Variants in ZNF827 observed in about 807,000 individuals in gnomAD.
ZNF827 encodes zinc finger protein 827.
A neutral mutation model predicts 102.4 loss-of-function variants in ZNF827; 13 were observed. That is an observed-to-expected ratio of 0.13 (90% CI 0.08 to 0.20). The LOEUF is 0.20. ZNF827 is among the 10% of genes least tolerant of loss of function. ZNF827 has a pLI of 1.00. For missense variants in ZNF827, 1,103 were observed against 1,344.4 expected, an observed-to-expected ratio of 0.82 and a Z score of 2.81; for synonymous variants, 523 against 536.2, an observed-to-expected ratio of 0.98 and a Z score of 0.34.
At chr4:145,870,523 C>G in intron 4 of ZNF827, 45 bp from the exon 5 acceptor site, 1 of 1,544,816 alleles carries the variant, frequency 6.5e-7, no homozygotes. Context: ...AAAGGCCACT[C>G]CCCTCCTTAG....
At chr4:145,845,327 G>A (rs1246335573) in intron 7 of ZNF827, among the ~76,000 whole-genome samples, 1 of 152,216 alleles carries the variant, frequency 6.6e-6, no homozygotes, top group Non-Finnish European at 1.5e-5. Context: ...GCAGATGGAC[G>A]GTGGGCAGCC....
At chr4:145,911,818 G>C (rs1400537013) in intron 1 of ZNF827, among the ~76,000 whole-genome samples, 1 of 152,134 alleles carries the variant, frequency 6.6e-6, no homozygotes, top group Non-Finnish European at 1.5e-5. Context: ...ATGAATTCTA[G>C]AACAAGCCAC....
At chr4:145,849,178 G>T in intron 6 of ZNF827, 144 bp downstream of exon 6, 2 of 939,456 alleles carry the variant, frequency 2.1e-6, no homozygotes, top group Non-Finnish European at 3.1e-6. Context: ...TAGTTTGGGT[G>T]GCAGTATGCA....
chr4:145,853,820 C>T (rs1746782847), intron 5 of ZNF827, among the ~76,000 whole-genome samples: 1 of 151,926 alleles, frequency 6.6e-6, no homozygotes, highest in African/African-American at 2.4e-5. Context: ...ACAAAATTAG[C>T]TGAGTGTGGT....
intron 4 of ZNF827, among the ~76,000 whole-genome samples, chr4:145,884,631 T>C (rs755294820): frequency 6.6e-6 from 1 of 152,060 alleles, no homozygotes; most frequent in Non-Finnish European, 1.5e-5. Context: ...ACACACCTTA[T>C]CATTCCAAAA....
chr4:145,936,474 G>C (rs1427064694), intron 1 of ZNF827, among the ~76,000 whole-genome samples: 1 of 152,018 alleles, frequency 6.6e-6, no homozygotes, highest in Non-Finnish European at 1.5e-5. Context: ...GGGGAAAAAA[G>C]CACAACCCAA....
In ZNF827 at chr4:145,761,310, A is replaced by G; in HGVS notation, c.*306T>C. 7.8e-7 allele frequency: 1 copy of G among 1,289,812 alleles called. No homozygotes were observed. Among genetic ancestry groups the G allele is most frequent in the Non-Finnish European group, 1.0e-6 (1 of 988,870 alleles). The allele number at this position is 1,289,812 out of a possible 1,614,324, so 79.9% of individuals were successfully genotyped here. ...GCTTCAGCTTCTTGTGCAGGTTGAG[A>G]TTGTCCTTGCGCTTGCAGCTGTAGC... is the stretch of plus-strand genomic sequence containing the variant. On this transcript the variant is annotated 3_prime_UTR_variant, in exon 15 of 15. Transcript: ENST00000508784. The surrounding 1 kb of genome is among the most constrained non-coding windows in gnomAD (Gnocchi z 6.8).
chr4:145,913,495 C>G (rs185672770), intron 1 of ZNF827, among the ~76,000 whole-genome samples: 21 of 150,836 alleles, frequency 1.4e-4, no homozygotes, highest in Admixed American at 1.3e-3. Context: ...TTAGAGATAT[C>G]CAAACAAAAA....
Position 145,761,268 on chromosome 4 carries a change from G to A in ZNF827, c.*348C>T. The A allele has an allele frequency of 7.8e-7, 1 of 1,289,908 alleles. No individual in the cohort carries two copies. Among genetic ancestry groups the A allele is most frequent in the Non-Finnish European group, 1.0e-6 (1 of 988,888 alleles). 79.9% of individuals were successfully genotyped at this position (1,289,908 alleles called of 1,614,324 possible). Reference sequence around the variant, plus strand: ...TGAACAGGCACTCTTCGCAGCTGAAGGTCTGGCGTGGGGCGTGCTTCAGCT... The same window carrying A: ...TGAACAGGCACTCTTCGCAGCTGAAAGTCTGGCGTGGGGCGTGCTTCAGCT... On this transcript the variant is annotated 3_prime_UTR_variant, in exon 15 of 15. Coordinates refer to ENST00000508784, the MANE Select transcript of ZNF827 (RefSeq NM_001306215.2). The surrounding 1 kb of genome is among the most constrained non-coding windows in gnomAD (Gnocchi z 6.8).
chr4:145,889,517 C>T (rs1381398924), intron 3 of ZNF827, among the ~76,000 whole-genome samples: 1 of 150,768 alleles, frequency 6.6e-6, no homozygotes, highest in Non-Finnish European at 1.5e-5. Flanking sequence ...TCTGACCATA[C>T]AGTTTGAGAT....
chr4:145,866,066 AG>A (rs1287347135), intron 5 of ZNF827, among the ~76,000 whole-genome samples: 4 of 152,196 alleles, frequency 2.6e-5, no homozygotes, highest in Non-Finnish European at 5.9e-5. Context: ...GAGGTGAGGA[AG>A]GGGGTGGTTC....
intron 3 of ZNF827, among the ~76,000 whole-genome samples, chr4:145,888,653 G>A (rs1750333379): frequency 6.6e-6 from 1 of 152,204 alleles, no homozygotes; most frequent in Non-Finnish European, 1.5e-5. Context: ...GCAGACCTGA[G>A]GCTACTAGAA....
At chr4:145,792,570 C>T (rs934259927) in intron 8 of ZNF827, among the ~76,000 whole-genome samples, 4 of 151,716 alleles carry the variant, frequency 2.6e-5, no homozygotes, top group Admixed American at 2.6e-4. Context: ...ACTTTGTCAC[C>T]CAGGCTAGAG....
chr4:145,833,280 T>C (rs62345813), intron 7 of ZNF827: 5,537 of 153,702 alleles, frequency 0.036, 149 homozygotes, highest in Non-Finnish European at 0.052. Flanking sequence ...CCTTTCATTT[T>C]CTGGTAGAGA....
At chr4:145,858,179 G>A (rs1355127745) in intron 5 of ZNF827, among the ~76,000 whole-genome samples, 2 of 150,632 alleles carry the variant, frequency 1.3e-5, no homozygotes, top group Non-Finnish European at 2.9e-5. Context: ...GTGTGCACAT[G>A]TGGCTTCTAA....
intron 8 of ZNF827, among the ~76,000 whole-genome samples, chr4:145,816,218 G>A (rs550215499): frequency 6.6e-6 from 1 of 152,264 alleles, no homozygotes; most frequent in South Asian, 2.1e-4. Flanking sequence ...TTCCCACAAA[G>A]CACAAACATG....
chr4:145,815,336 T>C (rs1011979983), intron 8 of ZNF827, among the ~76,000 whole-genome samples: 56 of 152,178 alleles, frequency 3.7e-4, no homozygotes, highest in Non-Finnish European at 4.4e-5. Flanking sequence ...AATGATAAAG[T>C]GAAAATAGAA....
chr4:145,772,612 T>C (rs1460509102), intron 11 of ZNF827, among the ~76,000 whole-genome samples: 1 of 152,214 alleles, frequency 6.6e-6, no homozygotes, highest in Admixed American at 6.5e-5. Flanking sequence ...AGTTGAGTAG[T>C]AGTGACAGAA....
intron 7 of ZNF827, among the ~76,000 whole-genome samples, chr4:145,830,166 A>G (rs1744069285): frequency 6.6e-6 from 1 of 152,234 alleles, no homozygotes; most frequent in East Asian, 1.9e-4. Flanking sequence ...TGTGTTTCAT[A>G]TAATGAAACT....
Sources: allele counts gnomAD v4.1 joint callset (sites outside exome capture counted in the v4.1 genomes callset), GRCh38; gene constraint gnomAD v4.1.1; non-coding constraint Gnocchi (gnomAD v3.1); transcripts MANE v1.5; gene names NCBI Gene and HGNC (gene_info 2026-07-23, HGNC 2026-07-21).